CEP112: variants seen among roughly 807,000 people sequenced by gnomAD.
CEP112 encodes centrosomal protein of 112 kDa.
CEP112 carries 127 observed loss-of-function variants against 153.0 expected under a neutral mutation model. That is an observed-to-expected ratio of 0.83 (90% CI 0.72 to 0.96). The LOEUF is 0.96. Ranked by LOEUF, CEP112 falls within the 40% of genes least tolerant of loss-of-function variation. CEP112 has a pLI of 0.00. For missense variants in CEP112, 1,089 were observed against 1,101.2 expected (o/e 0.99, Z 0.16); for synonymous variants, 358 against 374.4 (o/e 0.96, Z 0.51).
rs559637465 is a variant in CEP112 at position 65,696,236 on chromosome 17, C to T, written c.2608-7018G>A. On this transcript the variant is annotated intron_variant, in intron 23 of 26. Transcript: ENST00000535342. ...TATTCTGCCTCATTCTATGTTGTTA[C>T]GTCTTGGTAAAATGCTAATAGTGCC... 7.9e-5 allele frequency among the ~76,000 whole-genome samples: 12 copies of T among 152,246 alleles called. No homozygotes were observed. In the South Asian group the frequency reaches 2.1e-3, roughly 26 times the overall value.
intron 12 of CEP112, among the ~76,000 whole-genome samples, chr17:66,034,860 T>C (rs1172369185): frequency 1.3e-5 from 2 of 150,410 alleles, no homozygotes; most frequent in African/African-American, 2.4e-5. Flanking sequence ...CAGGCTGGAG[T>C]GCAGTGGCGC....
At chr17:65,723,596 T>C (rs537544274) in intron 23 of CEP112, among the ~76,000 whole-genome samples, 3 of 152,242 alleles carry the variant, frequency 2.0e-5, no homozygotes, top group South Asian at 2.1e-4. Flanking sequence ...GGCAAGAATA[T>C]AAAAGATGGG....
At chr17:65,826,274 T>C (rs1192153505) in intron 21 of CEP112, 1 of 1,614,026 alleles carries the variant, frequency 6.2e-7, no homozygotes, top group Admixed American at 1.7e-5. Flanking sequence ...GGCAGATGGA[T>C]GGTCTAAACT....
chr17:65,742,056 G>C (rs1281618547), intron 23 of CEP112, among the ~76,000 whole-genome samples: 1 of 150,876 alleles, frequency 6.6e-6, no homozygotes, highest in African/African-American at 2.4e-5. Context: ...TAATGGCCTT[G>C]AAGGTTTTAT....
intron 4 of CEP112, among the ~76,000 whole-genome samples, chr17:66,163,580 G>GA (rs992344044): frequency 1.3e-5 from 2 of 151,224 alleles, no homozygotes; most frequent in African/African-American, 2.4e-5. Flanking sequence ...AAAACTAAAT[G>GA]AAAAAAAATG....
intron 18 of CEP112, among the ~76,000 whole-genome samples, chr17:65,951,747 C>CT (rs1357559999): frequency 6.8e-5 from 8 of 118,148 alleles, no homozygotes; most frequent in African/African-American, 1.7e-4. Context: ...TCCCCCGCCC[C>CT]CCCCTTTCTT....
At chr17:65,748,888 T>C (rs758283384) in intron 22 of CEP112, among the ~76,000 whole-genome samples, 2 of 152,220 alleles carry the variant, frequency 1.3e-5, no homozygotes, top group Non-Finnish European at 2.9e-5. Context: ...TCTCATTATT[T>C]AGGCATTTTT....
At chr17:65,956,991 G>A (rs973321859) in intron 18 of CEP112, among the ~76,000 whole-genome samples, 2 of 152,106 alleles carry the variant, frequency 1.3e-5, no homozygotes, top group Admixed American at 6.5e-5. Flanking sequence ...GCATGGATAT[G>A]CTGGATAAAA....
intron 24 of CEP112, among the ~76,000 whole-genome samples, chr17:65,686,763 T>C (rs993947285): frequency 6.6e-6 from 1 of 152,198 alleles, no homozygotes; most frequent in Non-Finnish European, 1.5e-5. Flanking sequence ...TCTCTGCCCA[T>C]GGAAAGTCAA....
chr17:65,795,275 T>C (rs577954297), intron 21 of CEP112, among the ~76,000 whole-genome samples: 1 of 152,320 alleles, frequency 6.6e-6, no homozygotes, highest in South Asian at 2.1e-4. Context: ...TTGGTTATTA[T>C]GATTAAAGGG....
chr17:65,981,462 C>T (rs1204510825), intron 17 of CEP112, among the ~76,000 whole-genome samples: 1 of 152,204 alleles, frequency 6.6e-6, no homozygotes, highest in Non-Finnish European at 1.5e-5. Flanking sequence ...TTTAATTTTG[C>T]TTTCTTCCTT....
At chr17:65,741,442 T>C (rs1242572070) in intron 23 of CEP112, among the ~76,000 whole-genome samples, 1 of 151,486 alleles carries the variant, frequency 6.6e-6, no homozygotes, top group African/African-American at 2.4e-5. Flanking sequence ...ATTTTTCAGG[T>C]AACATATGGT....
chr17:65,682,149 G>A (rs761831738), intron 24 of CEP112, among the ~76,000 whole-genome samples: 4 of 151,508 alleles, frequency 2.6e-5, no homozygotes, highest in East Asian at 1.9e-4. Context: ...ACCTGCCACC[G>A]CGCCCAGCTA....
chr17:65,719,267 A>G (rs1645730388), intron 23 of CEP112, among the ~76,000 whole-genome samples: 1 of 152,166 alleles, frequency 6.6e-6, no homozygotes, highest in Non-Finnish European at 1.5e-5. Context: ...AAAGGGCACA[A>G]GAGGTGAATA....
intron 23 of CEP112, among the ~76,000 whole-genome samples, chr17:65,719,878 C>T (rs1314228171): frequency 1.3e-5 from 2 of 152,090 alleles, no homozygotes; most frequent in Non-Finnish European, 2.9e-5. Context: ...TCCTCAGGGC[C>T]GTGGGGACCC....
chr17:65,964,139 T>G (rs995136700), intron 17 of CEP112, among the ~76,000 whole-genome samples: 2 of 152,368 alleles, frequency 1.3e-5, no homozygotes, highest in African/African-American at 4.8e-5. Context: ...ACTTGTCTAC[T>G]TTAATGAACT....
At chr17:65,913,324 T>A (rs1215191341) in intron 19 of CEP112, 1 of 170,968 alleles carries the variant, frequency 5.8e-6, no homozygotes. Context: ...AATGTGCTAT[T>A]GGATACTTCA....
intron 18 of CEP112, among the ~76,000 whole-genome samples, chr17:65,932,613 G>A (rs12453089): frequency 0.48 from 72,825 of 152,038 alleles, 18,449 homozygotes; most frequent in East Asian, 0.89. Flanking sequence ...GCTTCTAGAG[G>A]GGCCTCAGGA....
At chr17:65,748,107 T>C (rs569981063) in intron 22 of CEP112, among the ~76,000 whole-genome samples, 1 of 152,224 alleles carries the variant, frequency 6.6e-6, no homozygotes, top group African/African-American at 2.4e-5. Context: ...TTTTAAATAA[T>C]CTGACATGCT....
Sources: gnomAD v4.1 joint callset for allele counts (sites outside exome capture counted in the v4.1 genomes callset) on GRCh38, gnomAD v4.1.1 for gene constraint, MANE v1.5 for transcripts, NCBI Gene and HGNC (gene_info 2026-07-23, HGNC 2026-07-21) for gene names.